Variants in CELF1 observed in about 807,000 individuals in gnomAD.
CELF1 encodes CUGBP Elav-like family member 1, also known as 50 kDa nuclear polyadenylated RNA-binding protein.
In CELF1, 10 loss-of-function variants were observed where a neutral mutation model predicts 61.8. The ratio of observed to expected loss-of-function variants is 0.16; its 90% CI spans 0.10 to 0.27. CELF1 has a LOEUF of 0.27. Among genes scored for constraint, CELF1 ranks in the 10% least tolerant of loss-of-function variants. The pLI is 1.00. For missense variants in CELF1, 380 were observed against 639.1 expected (o/e 0.59, Z 4.37); for synonymous variants, 236 against 225.1 (o/e 1.05, Z -0.43).
Position 47,472,057 on chromosome 11 carries a change from A to C in CELF1, c.*173T>G. 1.4e-6 allele frequency: 1 copy of C among 720,170 alleles called. No individual in the cohort carries two copies. The highest frequency in any genetic ancestry group is 2.3e-6 in the Non-Finnish European group (1 of 435,544). 44.6% of individuals were successfully genotyped at this position (720,170 alleles called of 1,614,324 possible). A position where few individuals can be genotyped will look rare whatever the true frequency, so the allele number is the denominator to read the frequency against. On this transcript the variant is annotated 3_prime_UTR_variant, in exon 15 of 15. Transcript: ENST00000687097. The stretch of plus-strand genomic sequence containing the variant: ...ACAAACTTGTCCTCTGTACGAAGCG[A>C]AACTCCCACAGAAGGCAGTAGCCGA...
chr11:47,504,048 T>C (rs1597205440), intron 1 of CELF1, among the ~76,000 whole-genome samples: 2 of 152,044 alleles, frequency 1.3e-5, no homozygotes, highest in Admixed American at 1.3e-4. Flanking sequence ...TGGTGATGCA[T>C]ACTGTAGTCT....
intron 1 of CELF1, among the ~76,000 whole-genome samples, chr11:47,522,702 T>C (rs112198606): frequency 0.016 from 2,416 of 151,708 alleles, 52 homozygotes; most frequent in African/African-American, 0.048. Flanking sequence ...TGGCATGCGC[T>C]TGTAGTCGCA....
chr11:47,526,907 T>C (rs113992833), intron 1 of CELF1, among the ~76,000 whole-genome samples: 3,138 of 152,010 alleles, frequency 0.021, 123 homozygotes, highest in African/African-American at 0.072. Flanking sequence ...AAAAATTAGC[T>C]GGGCGTGGGG....
intron 1 of CELF1, among the ~76,000 whole-genome samples, chr11:47,501,682 G>A (rs1297365672): frequency 2.0e-5 from 3 of 151,966 alleles, no homozygotes; most frequent in Non-Finnish European, 2.9e-5. Context: ...AATTAGCTGG[G>A]CGAGGTGGCA....
chr11:47,544,754 G>C (rs1432531184), intron 1 of CELF1, among the ~76,000 whole-genome samples: 1 of 152,146 alleles, frequency 6.6e-6, no homozygotes, highest in Non-Finnish European at 1.5e-5. Flanking sequence ...CCTGAGGTCA[G>C]GAGTTTGAGA....
intron 1 of CELF1, among the ~76,000 whole-genome samples, chr11:47,510,925 T>C (rs557444304): frequency 1.3e-5 from 2 of 152,110 alleles, no homozygotes; most frequent in South Asian, 4.2e-4. Flanking sequence ...CTCATACCTA[T>C]AATCCCAACA....
intron 3 of CELF1, among the ~76,000 whole-genome samples, chr11:47,496,186 G>A (rs951124397): frequency 6.6e-6 from 1 of 152,210 alleles, no homozygotes; most frequent in Non-Finnish European, 1.5e-5. Context: ...TTTGGATAAA[G>A]GTCAATCTTC....
chr11:47,540,853 C>T (rs1250942918), intron 1 of CELF1, among the ~76,000 whole-genome samples: 1 of 151,964 alleles, frequency 6.6e-6, no homozygotes, highest in Non-Finnish European at 1.5e-5. Flanking sequence ...CCACTGGACT[C>T]CAGCCTGGGC....
rs960940091 is a variant in CELF1, at chr11:47,472,057, A to G, written c.*173T>C. ...ACAAACTTGTCCTCTGTACGAAGCGAAACTCCCACAGAAGGCAGTAGCCGA... is the reference window on the plus strand; with the variant it reads ...ACAAACTTGTCCTCTGTACGAAGCGGAACTCCCACAGAAGGCAGTAGCCGA... On this transcript the variant is annotated 3_prime_UTR_variant, in exon 15 of 15. Transcript: ENST00000687097. 2 of 720,170 alleles carry G rather than the reference A, an allele frequency of 2.8e-6. No individual in the cohort carries two copies. Among genetic ancestry groups the G allele is most frequent in the Non-Finnish European group, 4.6e-6 (2 of 435,544 alleles). The allele number at this position is 720,170 out of a possible 1,614,324, so 44.6% of individuals were successfully genotyped here.
chr11:47,467,938 T>C lies in CELF1; in HGVS notation c.*4292A>G, dbSNP rs577523524. 42 of 152,340 alleles carry C rather than the reference T, an allele frequency of 2.8e-4. No homozygotes were observed. The highest frequency in any genetic ancestry group is 9.9e-4 in the African/African-American group (41 of 41,584). The allele number at this position is 152,340 out of a possible 1,614,324, so 9.4% of individuals were successfully genotyped here. A position where few individuals can be genotyped will look rare whatever the true frequency, so the allele number is the denominator to read the frequency against. ...AAACCCTTTTAAATCGATCAGTTTTTGCACAAACTATAGAAAACAGAGAGG... is the reference window on the plus strand; with the variant it reads ...AAACCCTTTTAAATCGATCAGTTTTCGCACAAACTATAGAAAACAGAGAGG... On this transcript the variant is annotated 3_prime_UTR_variant, in exon 15 of 15. Transcript: ENST00000687097.
intron 1 of CELF1, among the ~76,000 whole-genome samples, chr11:47,529,975 TAAAGAGTATATA>T (rs991864093): frequency 6.6e-6 from 1 of 152,102 alleles, no homozygotes; most frequent in African/African-American, 2.4e-5. Flanking sequence ...CCTCAGTTTG[TAAAGAGTATATA>T]AAAGAAAAAA....
At chr11:47,476,553 G>C (rs1322599620) in intron 12 of CELF1, among the ~76,000 whole-genome samples, 1 of 152,140 alleles carries the variant, frequency 6.6e-6, no homozygotes, top group Non-Finnish European at 1.5e-5. Context: ...AGCCTCCCAA[G>C]TAGCTAGGAC....
rs1019645524 is a variant in CELF1 at position 47,469,028 on chromosome 11, A to G, written c.*3202T>C. The G allele has an allele frequency of 6.6e-6, 1 of 152,314 alleles. No homozygotes were observed. Among genetic ancestry groups the G allele is most frequent in the Non-Finnish European group, 1.5e-5 (1 of 68,106 alleles). The allele number at this position is 152,314 out of a possible 1,614,324, so 9.4% of individuals were successfully genotyped here. On this transcript the variant is annotated 3_prime_UTR_variant, in exon 15 of 15. Coordinates refer to ENST00000687097, the MANE Select transcript of CELF1 (RefSeq NM_001376376.1). ...TGAGGTGGGCGGGCAGGGGTTGGGTAATGACAGGGAACTTTTGCACATGCT... is the reference window on the plus strand; with the variant it reads ...TGAGGTGGGCGGGCAGGGGTTGGGTGATGACAGGGAACTTTTGCACATGCT...
chr11:47,564,476 C>G (rs2097237804), intron 1 of CELF1: 1 of 148,774 alleles, frequency 6.7e-6, no homozygotes, highest in Non-Finnish European at 1.5e-5. Flanking sequence ...AACTCTGTCT[C>G]AAAAACAAAA....
At position 47,506,017 on chromosome 11, in the gene CELF1, G is replaced by A. The variant is rs187988138; in HGVS notation, c.-153-5085C>T. Among the ~76,000 whole-genome samples, 14 of 150,892 alleles carry A rather than the reference G, an allele frequency of 9.3e-5. 1 individual carries two copies. The highest frequency in any genetic ancestry group is 6.0e-4 in the Admixed American group (9 of 15,012). On this transcript the variant is annotated intron_variant, in intron 1 of 14. Transcript: ENST00000687097. ...ACGTGCATGGAATCTACTAAGTTCC[G>A]TCCTCATCTCTGTTCCAGTGGTGTC...
At chr11:47,542,972 T>C (rs1202697218) in intron 1 of CELF1, among the ~76,000 whole-genome samples, 3 of 151,674 alleles carry the variant, frequency 2.0e-5, no homozygotes, top group Non-Finnish European at 2.9e-5. Flanking sequence ...CTACAAAAAT[T>C]AGCCAGGTGT....
intron 13 of CELF1, 88 bp downstream of exon 13, chr11:47,475,248 G>GT (rs2079483766): frequency 1.6e-6 from 2 of 1,251,194 alleles, no homozygotes; most frequent in South Asian, 1.3e-5. Context: ...GACCTAACTG[G>GT]TTCCCTCAGC....
At chr11:47,487,336 G>A (rs1053203906) in intron 4 of CELF1, 95 bp from the exon 5 acceptor site, 5 of 897,758 alleles carry the variant, frequency 5.6e-6, no homozygotes, top group Non-Finnish European at 6.9e-6. Context: ...CTTAAAAGAG[G>A]GCTGGGTTTA....
chr11:47,515,809 G>A (rs1022073584), intron 1 of CELF1, among the ~76,000 whole-genome samples: 3 of 152,060 alleles, frequency 2.0e-5, no homozygotes, highest in African/African-American at 7.2e-5. Context: ...CCAACCACTG[G>A]GACTTGGACT....
Sources: allele counts gnomAD v4.1 joint callset (sites outside exome capture counted in the v4.1 genomes callset), GRCh38; gene constraint gnomAD v4.1.1; transcripts MANE v1.5; gene names NCBI Gene and HGNC (gene_info 2026-07-23, HGNC 2026-07-21).